Variants in ABHD5 observed in about 807,000 individuals in gnomAD.
ABHD5 encodes 1-acylglycerol-3-phosphate O-acyltransferase ABHD5.
ABHD5 carries 30 observed loss-of-function variants against 44.9 expected under a neutral mutation model. The ratio of observed to expected loss-of-function variants is 0.67; its 90% CI spans 0.50 to 0.91. The LOEUF (loss-of-function observed/expected upper bound fraction) is 0.91, where lower values mean the gene tolerates loss of function less well. Among genes scored for constraint, ABHD5 ranks in the 40% least tolerant of loss-of-function variants. The pLI, the probability that ABHD5 is intolerant of heterozygous loss-of-function variation, is 0.00. For synonymous variants in ABHD5, 167 were observed against 147.0 expected, an observed-to-expected ratio of 1.14 and a Z score of -0.99; for missense variants, 399 against 423.4, an observed-to-expected ratio of 0.94 and a Z score of 0.50.
intron 6 of ABHD5, 91 bp from the exon 7 acceptor site, chr3:43,718,352 A>G: frequency 1.9e-6 from 2 of 1,033,650 alleles, no homozygotes; most frequent in East Asian, 2.4e-5. Flanking sequence ...AGTGGCTCTC[A>G]CTTTTATTAC....
Position 43,718,695 on chromosome 3 carries a change from A to G in ABHD5, c.*163A>G, listed in dbSNP as rs1394903218. 2 of 682,032 alleles carry G rather than the reference A, an allele frequency of 2.9e-6. No homozygotes were observed. Among genetic ancestry groups the G allele is most frequent in the Non-Finnish European group, 5.3e-6 (2 of 375,912 alleles). The allele number at this position is 682,032 out of a possible 1,614,324, so 42.2% of individuals were successfully genotyped here. A position where few individuals can be genotyped will look rare whatever the true frequency, so the allele number is the denominator to read the frequency against. On this transcript the variant is annotated 3_prime_UTR_variant, in exon 7 of 7. Transcript: ENST00000644371. Reference sequence around the variant, plus strand: ...AGGAATTCACTCACACATTTAAACCAGTTAGTGCCTTCTAGAAGAATGGCT... The same window carrying G: ...AGGAATTCACTCACACATTTAAACCGGTTAGTGCCTTCTAGAAGAATGGCT...
At chr3:43,724,447 A>G (rs1207426252), downstream of ABHD5, among the ~76,000 whole-genome samples, 1 of 152,224 alleles carries the variant, frequency 6.6e-6, no homozygotes, top group Admixed American at 6.5e-5. Flanking sequence ...CACCACTGAC[A>G]GCAATTTTGT....
chr3:43,708,708 T>G (rs1274124541), intron 3 of ABHD5, among the ~76,000 whole-genome samples: 1 of 152,214 alleles, frequency 6.6e-6, no homozygotes, highest in Non-Finnish European at 1.5e-5. Flanking sequence ...TCTTTACATG[T>G]AGTAGAAGCA....
chr3:43,690,946 T>A lies in ABHD5; in HGVS notation c.-47T>A, dbSNP rs769981471. 7 of 1,543,104 alleles carry A rather than the reference T, an allele frequency of 4.5e-6. No individual in the cohort carries two copies. The highest frequency in any genetic ancestry group is 1.2e-5 in the South Asian group (1 of 84,216). ...CCAGCCCGGGGCGGCCCAGTCGGCCTGTCAGCCGGCTTCGAGATAAGTCCC... is the reference window on the plus strand; with the variant it reads ...CCAGCCCGGGGCGGCCCAGTCGGCCAGTCAGCCGGCTTCGAGATAAGTCCC... On this transcript the variant is annotated 5_prime_UTR_variant, in exon 1 of 7. Transcript: ENST00000644371.
downstream of ABHD5, among the ~76,000 whole-genome samples, chr3:43,723,376 T>C (rs1337055056): frequency 6.6e-6 from 1 of 152,180 alleles, no homozygotes; most frequent in African/African-American, 2.4e-5. Flanking sequence ...GATTAGGAAA[T>C]CGCCATTTTG....
intron 7 of ABHD5, among the ~76,000 whole-genome samples, chr3:43,729,735 A>G (rs1246975277): frequency 6.6e-6 from 1 of 152,204 alleles, no homozygotes; most frequent in Non-Finnish European, 1.5e-5. Flanking sequence ...TTATATTCAG[A>G]ATGATTACAA....
chr3:43,715,120 TTTGTG>T, intron 5 of ABHD5, 62 bp downstream of exon 5: 2 of 1,156,218 alleles, frequency 1.7e-6, no homozygotes, highest in Non-Finnish European at 2.6e-6. Context: ...TGTGTGTGTG[TTTGTG>T]TGTGTTTTAG....
rs2084798457 is a variant in ABHD5, at chr3:43,718,620, A to G, written c.*88A>G. On this transcript the variant is annotated 3_prime_UTR_variant, in exon 7 of 7. Transcript: ENST00000644371. ...GTCTGTGATGAAGAGTAGTGAATAC[A>G]ACACACAACCAGGCAGCCTTCTTGA... is the stretch of plus-strand genomic sequence containing the variant. The G allele has an allele frequency of 3.1e-6, 4 of 1,277,118 alleles. No homozygotes were observed. 79.1% of individuals were successfully genotyped at this position (1,277,118 alleles called of 1,614,324 possible).
intron 1 of ABHD5, 94 bp downstream of exon 1, chr3:43,691,133 C>T: frequency 1.6e-6 from 2 of 1,263,298 alleles, no homozygotes; most frequent in South Asian, 4.4e-5. Context: ...AAGGAGTCGC[C>T]GCCCGCCTGG....
At chr3:43,702,685 G>A in intron 3 of ABHD5, 98 bp downstream of exon 3, 1 of 1,572,058 alleles carries the variant, frequency 6.4e-7, no homozygotes. Context: ...GAGCCACAAG[G>A]CAGACATTCT....
rs147129794 is a variant in ABHD5, at chr3:43,717,776, C to T, written c.879C>T (p.Ile293=). The change falls in exon 6 of 7, where the codon ATC becomes ATT. Residue 293 remains isoleucine (I), a synonymous_variant. Coordinates refer to ENST00000644371, the MANE Select transcript of ABHD5 (RefSeq NM_016006.6). ...ACCCTGACATTCCAGTTTCAGTGATCTTTGGCGCCCGATCCTGCATAGATG... is the reference window on the plus strand; with the variant it reads ...ACCCTGACATTCCAGTTTCAGTGATTTTTGGCGCCCGATCCTGCATAGATG... ...KMHPDIPVSV[I]FGARSCIDGN... 23 of 1,614,096 alleles carry T rather than the reference C, an allele frequency of 1.4e-5. No individual in the cohort carries two copies. Among genetic ancestry groups the T allele is most frequent in the Admixed American group, 5.0e-5 (3 of 60,006 alleles).
At chr3:43,699,458 T>C in intron 2 of ABHD5, 97 bp downstream of exon 2, 1 of 1,169,514 alleles carries the variant, frequency 8.6e-7, no homozygotes, top group Non-Finnish European at 1.3e-6. Context: ...CTGTGGTGTG[T>C]TCATTGTTGG....
At chr3:43,717,942 C>G in intron 6 of ABHD5, 85 bp downstream of exon 6, 1 of 1,558,404 alleles carries the variant, frequency 6.4e-7, no homozygotes, top group Non-Finnish European at 8.8e-7. Flanking sequence ...AGGTCATCCT[C>G]GTGTTGCAGG....
chr3:43,703,729 A>G (rs1338229499), intron 3 of ABHD5, among the ~76,000 whole-genome samples: 1 of 152,158 alleles, frequency 6.6e-6, no homozygotes, highest in Admixed American at 6.5e-5. Context: ...GATGATGGTC[A>G]TTTCAGAGTG....
chr3:43,715,015 A>G lies in ABHD5; in HGVS notation c.730A>G (p.Thr244Ala), dbSNP rs762024971. 2 of 1,613,328 alleles carry G rather than the reference A, an allele frequency of 1.2e-6. No homozygotes were observed. Among genetic ancestry groups the G allele is most frequent in the Admixed American group, 1.7e-5 (1 of 59,970 alleles). Residue 244 changes from threonine to alanine, a missense_variant, in exon 5 of 7, where the codon ACT (threonine) becomes GCT (alanine). Transcript: ENST00000644371. Reference sequence around the variant, plus strand: ...GTATTCTTCAATGTTCGAAGACGATACTGTGACAGAATACATCTACCACTG... The same window carrying G: ...GTATTCTTCAATGTTCGAAGACGATGCTGTGACAGAATACATCTACCACTG... ...RKYSSMFEDD[T>A]VTEYIYHCNV...
intron 7 of ABHD5, among the ~76,000 whole-genome samples, chr3:43,729,653 A>C (rs964903371): frequency 6.6e-6 from 1 of 152,174 alleles, no homozygotes; most frequent in African/African-American, 2.4e-5. Context: ...CTTTGGTGTG[A>C]CAAAGGTAGA....
At position 43,718,879 on chromosome 3, in the gene ABHD5, T is replaced by C. The variant is rs548066391; in HGVS notation, c.*347T>C. On this transcript the variant is annotated 3_prime_UTR_variant, in exon 7 of 7. Coordinates refer to ENST00000644371, the MANE Select transcript of ABHD5 (RefSeq NM_016006.6). Reference sequence around the variant, plus strand: ...AGTTATTTTTATATTGCAATCTATATTACCAATTTAGGAAGTGATTTCTGA... The same window carrying C: ...AGTTATTTTTATATTGCAATCTATACTACCAATTTAGGAAGTGATTTCTGA... 1 of 257,066 alleles carries C rather than the reference T, an allele frequency of 3.9e-6. No homozygotes were observed. Among genetic ancestry groups the C allele is most frequent in the East Asian group, 9.3e-5 (1 of 10,700 alleles). The allele number at this position is 257,066 out of a possible 1,614,324, so 15.9% of individuals were successfully genotyped here.
chr3:43,715,896 G>A (rs1183811100), intron 5 of ABHD5, among the ~76,000 whole-genome samples: 4 of 152,182 alleles, frequency 2.6e-5, no homozygotes, highest in Non-Finnish European at 5.9e-5. Flanking sequence ...TATTTTTCAA[G>A]TTCATTTGAT....
At chr3:43,701,600 G>A (rs1263433295) in intron 2 of ABHD5, among the ~76,000 whole-genome samples, 2 of 152,154 alleles carry the variant, frequency 1.3e-5, no homozygotes, top group African/African-American at 4.8e-5. Context: ...TTTTCTAGGA[G>A]ATTACTAGAG....
Sources: gnomAD v4.1 joint callset for allele counts (sites outside exome capture counted in the v4.1 genomes callset) on GRCh38, gnomAD v4.1.1 for gene constraint, MANE v1.5 for transcripts, NCBI Gene and HGNC (gene_info 2026-07-23, HGNC 2026-07-21) for gene names.